Variants in AGBL1 observed in about 807,000 individuals in gnomAD.
AGBL1 encodes the protein AGBL carboxypeptidase 1, also known as cytosolic carboxypeptidase 4.
Under a neutral mutation model 118.9 loss-of-function variants are expected in AGBL1, and 130 were observed. The ratio of observed to expected loss-of-function variants is 1.09; its 90% CI spans 0.95 to 1.26. The LOEUF is 1.26. Among genes scored for constraint, AGBL1 ranks in the 50% most tolerant of loss-of-function variants. AGBL1 has a pLI of 0.00. For missense variants in AGBL1, 1,584 were observed against 1,298.1 expected, an observed-to-expected ratio of 1.22 and a Z score of -3.38; for synonymous variants, 555 against 478.9, an observed-to-expected ratio of 1.16 and a Z score of -2.08.
At chr15:86,596,076 A>G (rs1408785727) in intron 21 of AGBL1, among the ~76,000 whole-genome samples, 2 of 152,072 alleles carry the variant, frequency 1.3e-5, no homozygotes, top group African/African-American at 4.8e-5. Context: ...ATGCAGGAGA[A>G]TTGCTTGAGC....
At chr15:87,013,655 G>T (rs1320952658) in intron 24 of AGBL1, among the ~76,000 whole-genome samples, 6 of 152,102 alleles carry the variant, frequency 3.9e-5, no homozygotes, top group Non-Finnish European at 8.8e-5. Flanking sequence ...GGGTCCAGTT[G>T]GTTACGAGGC....
At chr15:86,618,498 T>C (rs56046929) in intron 21 of AGBL1, among the ~76,000 whole-genome samples, 5,181 of 152,316 alleles carry the variant, frequency 0.034, 284 homozygotes, top group African/African-American at 0.12. Flanking sequence ...CTCTGGGCTC[T>C]AGCTCCAGAC....
chr15:86,498,297 G>T (rs2082877882), intron 18 of AGBL1, among the ~76,000 whole-genome samples: 1 of 151,840 alleles, frequency 6.6e-6, no homozygotes, highest in South Asian at 2.1e-4. Context: ...TAACTAGACA[G>T]TAGACTTCTT....
intron 22 of AGBL1, among the ~76,000 whole-genome samples, chr15:86,762,821 C>T (rs1031861019): frequency 2.6e-5 from 4 of 151,920 alleles, no homozygotes; most frequent in Non-Finnish European, 5.9e-5. Flanking sequence ...CCTTGGTGTT[C>T]CTCCTTGTGG....
At chr15:86,662,931 AT>A (rs77511828) in intron 21 of AGBL1, among the ~76,000 whole-genome samples, 36,187 of 152,122 alleles carry the variant, frequency 0.24, 5,040 homozygotes, top group East Asian at 0.43. Flanking sequence ...ATTATTTCAC[AT>A]TTTTGAAAAT....
chr15:86,388,488 A>T (rs749745943), intron 17 of AGBL1, among the ~76,000 whole-genome samples: 28 of 152,162 alleles, frequency 1.8e-4, no homozygotes, highest in Non-Finnish European at 7.3e-5. Flanking sequence ...AGTGCAGCAA[A>T]GACTTAGGAG....
intron 22 of AGBL1, among the ~76,000 whole-genome samples, chr15:86,858,536 T>C (rs1009448145): frequency 6.6e-6 from 1 of 151,836 alleles, no homozygotes; most frequent in Non-Finnish European, 1.5e-5. Flanking sequence ...ATGGTAATTA[T>C]CATTCATCCA....
intron 5 of AGBL1, among the ~76,000 whole-genome samples, chr15:86,202,463 CT>C: frequency 6.6e-6 from 1 of 152,248 alleles, no homozygotes; most frequent in East Asian, 1.9e-4. Flanking sequence ...AAAAGTTAAT[CT>C]TCTTAAGTCT....
At chr15:86,988,804 A>C (rs1344281765) in intron 24 of AGBL1, among the ~76,000 whole-genome samples, 1 of 152,164 alleles carries the variant, frequency 6.6e-6, no homozygotes, top group African/African-American at 2.4e-5. Flanking sequence ...TAGTAATTTG[A>C]TTATGGATTC....
chr15:86,831,030 A>G (rs1567196782), intron 22 of AGBL1, among the ~76,000 whole-genome samples: 1 of 152,166 alleles, frequency 6.6e-6, no homozygotes, highest in Non-Finnish European at 1.5e-5. Context: ...GAGCAAAGTC[A>G]TGTCTTAGGT....
chr15:86,249,235 G>A (rs554421589), intron 7 of AGBL1, among the ~76,000 whole-genome samples: 2 of 152,022 alleles, frequency 1.3e-5, no homozygotes, highest in African/African-American at 4.8e-5. Context: ...TATTATCTCT[G>A]GATTAGGCCA....
chr15:87,020,310 G>A (rs1327445916), intron 24 of AGBL1, among the ~76,000 whole-genome samples: 1 of 152,062 alleles, frequency 6.6e-6, no homozygotes, highest in Non-Finnish European at 1.5e-5. Context: ...ATCCTGTCAT[G>A]TTAAAAACTC....
chr15:86,776,094 C>A (rs559158523), intron 22 of AGBL1, among the ~76,000 whole-genome samples: 1 of 152,242 alleles, frequency 6.6e-6, no homozygotes, highest in African/African-American at 2.4e-5. Flanking sequence ...CATTTTCCAC[C>A]TCCTCTTGTT....
At chr15:86,237,168 G>A (rs1211034800) in intron 6 of AGBL1, among the ~76,000 whole-genome samples, 1 of 152,182 alleles carries the variant, frequency 6.6e-6, no homozygotes, top group East Asian at 1.9e-4. Context: ...TCTTTCCTCT[G>A]TATCTGCCTA....
chr15:86,753,032 C>G (rs967145724), intron 22 of AGBL1, among the ~76,000 whole-genome samples: 3 of 152,080 alleles, frequency 2.0e-5, no homozygotes, highest in Admixed American at 1.3e-4. Flanking sequence ...AGACGCTGTC[C>G]TATTTTCTCC....
chr15:86,767,066 C>T (rs994206155), intron 22 of AGBL1, among the ~76,000 whole-genome samples: 1 of 151,926 alleles, frequency 6.6e-6, no homozygotes, highest in African/African-American at 2.4e-5. Context: ...ATGAGGTATT[C>T]AGTTGTGTTT....
intron 21 of AGBL1, among the ~76,000 whole-genome samples, chr15:86,576,510 C>T (rs868143043): frequency 3.9e-5 from 6 of 152,118 alleles, no homozygotes; most frequent in South Asian, 2.1e-4. Context: ...TTTGATTGGC[C>T]GAAACCAGCC....
intron 15 of AGBL1, among the ~76,000 whole-genome samples, chr15:86,275,995 C>G (rs1001787119): frequency 6.6e-6 from 1 of 152,098 alleles, no homozygotes; most frequent in Non-Finnish European, 1.5e-5. Context: ...TGAGATAAAA[C>G]ACGTGTAAAG....
intron 22 of AGBL1, among the ~76,000 whole-genome samples, chr15:86,765,299 C>T (rs2078080552): frequency 6.6e-6 from 1 of 151,962 alleles, no homozygotes; most frequent in Non-Finnish European, 1.5e-5. Flanking sequence ...ATAAGTGCAA[C>T]CATGACAGTC....
Sources: gnomAD v4.1 joint callset for allele counts (sites outside exome capture counted in the v4.1 genomes callset) on GRCh38, gnomAD v4.1.1 for gene constraint, MANE v1.5 for transcripts, NCBI Gene and HGNC (gene_info 2026-07-23, HGNC 2026-07-21) for gene names.